TEX11: variants seen among roughly 807,000 people sequenced by gnomAD.
TEX11 encodes the protein testis-expressed protein 11.
TEX11 carries 7 observed loss-of-function variants against 84.4 expected under a neutral mutation model. That is an observed-to-expected ratio of 0.08 (90% CI 0.05 to 0.16). The LOEUF (loss-of-function observed/expected upper bound fraction) is 0.16. Among genes scored for constraint, TEX11 ranks in the 10% least tolerant of loss-of-function variants. The probability of loss-of-function intolerance (pLI) is 1.00; values close to 1 mark genes in which losing one functional copy is unlikely to be tolerated. For synonymous variants in TEX11, 264 were observed against 222.8 expected, an observed-to-expected ratio of 1.18 and a Z score of -1.64; for missense variants, 551 against 660.5, an observed-to-expected ratio of 0.83 and a Z score of 1.82.
intron 23 of TEX11, among the ~76,000 whole-genome samples, chrX:70,606,729 A>C (rs1457620960): frequency 8.9e-6 from 1 of 111,956 alleles, no homozygotes; most frequent in Non-Finnish European, 1.9e-5. Flanking sequence ...GTAGAACTTT[A>C]GGCTCCCTGA....
intron 24 of TEX11, among the ~76,000 whole-genome samples, chrX:70,601,534 C>CTTTA (rs2089111494): frequency 1.6e-5 from 1 of 63,401 alleles, no homozygotes; most frequent in African/African-American, 6.2e-5. Flanking sequence ...CAGCATCATT[C>CTTTA]TTTTTTTTTT....
intron 2 of TEX11, among the ~76,000 whole-genome samples, chrX:70,906,585 C>T (rs904842028): frequency 6.3e-5 from 7 of 110,527 alleles, no homozygotes; most frequent in East Asian, 2.8e-4. Context: ...GTCAGGAGTT[C>T]GAGACCAGCT....
intron 2 of TEX11, chrX:70,897,653 AAGGAAGGAAGG>A: frequency 1.1e-5 from 1 of 92,859 alleles, no homozygotes; most frequent in Non-Finnish European, 2.1e-5. Context: ...GGAAGGAAGG[AAGGAAGGAAGG>A]AAAACAAAGA....
intron 4 of TEX11, among the ~76,000 whole-genome samples, chrX:70,862,915 CAAAA>C (rs201281457): frequency 1.5e-5 from 1 of 67,882 alleles, no homozygotes. Context: ...AACTCCAACT[CAAAA>C]AAAAAAAAAA....
intron 9 of TEX11, among the ~76,000 whole-genome samples, 170 bp from the exon 10 acceptor site, chrX:70,744,389 A>G (rs1421661486): frequency 9.2e-6 from 1 of 109,121 alleles, no homozygotes; most frequent in Non-Finnish European, 1.9e-5. Flanking sequence ...TGATATAATG[A>G]TATAAAGCAA....
Position 70,880,137 on chromosome X carries a change from C to T in TEX11, c.38-28G>A. 4.4e-6 allele frequency: 5 copies of T among 1,126,569 alleles called. No individual in the cohort carries two copies. In the East Asian group the frequency reaches 9.5e-5, roughly 21 times the overall value. The allele number at this position is 1,126,569 out of a possible 1,213,427, so 92.8% of individuals were successfully genotyped here. A position where few individuals can be genotyped will look rare whatever the true frequency, so the allele number is the denominator to read the frequency against. ...GAAATGACAATGGATGATAAATGTG[C>T]TGTGAACTATTACCATTGGCTAAAT... is the stretch of plus-strand genomic sequence containing the variant. On this transcript the variant is annotated intron_variant, in intron 2 of 29. Coordinates refer to ENST00000374333, the MANE Select transcript of TEX11 (RefSeq NM_031276.3).
intron 9 of TEX11, among the ~76,000 whole-genome samples, chrX:70,794,836 T>A (rs1770715121): frequency 9.1e-6 from 1 of 109,357 alleles, no homozygotes; most frequent in Non-Finnish European, 1.9e-5. Context: ...AAGTAGTGCA[T>A]ACCATAGATG....
intron 8 of TEX11, among the ~76,000 whole-genome samples, chrX:70,813,435 G>C (rs868730185): frequency 4.5e-4 from 50 of 111,748 alleles, no homozygotes; most frequent in Middle Eastern, 4.6e-3. Flanking sequence ...ATTAGGTATT[G>C]ATGGGATGTA....
At chrX:70,693,119 TA>T (rs1244243261) in intron 13 of TEX11, among the ~76,000 whole-genome samples, 1 of 111,338 alleles carries the variant, frequency 9.0e-6, no homozygotes, top group African/African-American at 3.3e-5. Flanking sequence ...TGCACGCCTG[TA>T]ATCCCAGCTA....
At chrX:70,817,160 G>A (rs947556401) in intron 8 of TEX11, among the ~76,000 whole-genome samples, 9 of 106,415 alleles carry the variant, frequency 8.5e-5, no homozygotes, top group Non-Finnish European at 1.7e-4. Flanking sequence ...TAAATGTAAT[G>A]GAAATGTATG....
intron 22 of TEX11, among the ~76,000 whole-genome samples, chrX:70,607,488 T>G (rs1400235993): frequency 9.1e-6 from 1 of 110,371 alleles, no homozygotes; most frequent in Non-Finnish European, 1.9e-5. Context: ...CACACAACTA[T>G]AGTCCCAGAA....
At chrX:70,725,209 C>T in intron 12 of TEX11, 53 bp downstream of exon 12, 1 of 852,327 alleles carries the variant, frequency 1.2e-6, no homozygotes, top group Non-Finnish European at 1.7e-6. Context: ...TTATATTTAA[C>T]AAATTGTAGT....
intron 15 of TEX11, among the ~76,000 whole-genome samples, chrX:70,675,932 T>C (rs2090068272): frequency 8.9e-6 from 1 of 111,936 alleles, no homozygotes; most frequent in Admixed American, 9.5e-5. Context: ...ATCCGGCCCA[T>C]TCTACTTTCA....
intron 28 of TEX11, among the ~76,000 whole-genome samples, chrX:70,549,630 C>A (rs1156834355): frequency 1.8e-5 from 2 of 111,634 alleles, no homozygotes; most frequent in African/African-American, 6.5e-5. Flanking sequence ...AGTAGCCCAG[C>A]AGAACTCCCC....
At chrX:70,871,456 G>A (rs750359779) in intron 4 of TEX11, among the ~76,000 whole-genome samples, 6 of 111,993 alleles carry the variant, frequency 5.4e-5, no homozygotes, top group African/African-American at 1.3e-4. Flanking sequence ...CCTGTTCATT[G>A]TTCCATAATT....
At chrX:70,726,211 T>G (rs1569420633) in intron 11 of TEX11, among the ~76,000 whole-genome samples, 1 of 112,181 alleles carries the variant, frequency 8.9e-6, no homozygotes, top group Non-Finnish European at 1.9e-5. Flanking sequence ...TGGCAACATC[T>G]GTTTTCCTTG....
At chrX:70,740,912 A>C (rs765243283) in intron 10 of TEX11, 116 bp from the exon 11 acceptor site, 11 of 431,571 alleles carry the variant, frequency 2.5e-5, no homozygotes, top group African/African-American at 2.5e-5. Flanking sequence ...CATCTTTATG[A>C]AATAGCATTT....
At chrX:70,776,140 A>G (rs1330845847) in intron 9 of TEX11, among the ~76,000 whole-genome samples, 1 of 110,903 alleles carries the variant, frequency 9.0e-6, no homozygotes, top group Non-Finnish European at 1.9e-5. Flanking sequence ...AAATTAGTAT[A>G]TCAAAGGGAT....
chrX:70,843,892 C>A (rs1473902182), intron 7 of TEX11, among the ~76,000 whole-genome samples: 3 of 111,595 alleles, frequency 2.7e-5, no homozygotes, highest in African/African-American at 9.8e-5. Context: ...CAGAGAAATG[C>A]AAATCAAAAC....
Sources: allele counts gnomAD v4.1 joint callset (sites outside exome capture counted in the v4.1 genomes callset), GRCh38; gene constraint gnomAD v4.1.1; transcripts MANE v1.5; gene names NCBI Gene and HGNC (gene_info 2026-07-23, HGNC 2026-07-21).